The following COG2 variants were observed in gnomAD, a reference collection of about 807,000 sequenced individuals.
COG2 encodes the protein component of oligomeric golgi complex 2.
In COG2, 52 loss-of-function variants were observed where a neutral mutation model predicts 90.6. The observed-to-expected ratio is 0.57, with a 90% confidence interval of 0.46 to 0.72. The LOEUF (loss-of-function observed/expected upper bound fraction) is 0.72, where lower values mean the gene tolerates loss of function less well. Ranked by LOEUF, COG2 falls within the 30% of genes least tolerant of loss-of-function variation. COG2 has a pLI of 0.00. For synonymous variants in COG2, 337 were observed against 320.4 expected (o/e 1.05, Z -0.55); for missense variants, 829 against 891.2 (o/e 0.93, Z 0.89).
At chr1:230,665,675 C>T (rs965683114) in intron 5 of COG2, among the ~76,000 whole-genome samples, 1 of 152,150 alleles carries the variant, frequency 6.6e-6, no homozygotes, top group African/African-American at 2.4e-5. Context: ...AGTGGTCAAT[C>T]GCTGCCATCT....
At chr1:230,660,690 A>C (rs922690609) in intron 2 of COG2, 68 bp from the exon 3 acceptor site, 9 of 1,084,094 alleles carry the variant, frequency 8.3e-6, no homozygotes, top group Non-Finnish European at 1.2e-5. Context: ...TACATTGATC[A>C]TTAAATGGAT....
intron 3 of COG2, chr1:230,661,379 C>T (rs1020951830): frequency 1.3e-5 from 2 of 152,182 alleles, no homozygotes; most frequent in Non-Finnish European, 2.9e-5. Context: ...GAGACAGGGA[C>T]TCCATCCGGA....
At chr1:230,690,319 A>C in intron 16 of COG2, 166 bp downstream of exon 16, 1 of 590,824 alleles carries the variant, frequency 1.7e-6, no homozygotes, top group Non-Finnish European at 2.8e-6. Context: ...CTCCCTCCCC[A>C]CACCCTTGTG....
rs559247250 is a variant in COG2 at position 230,659,729 on chromosome 1, T to G, written c.234+104T>G. On this transcript the variant is annotated intron_variant, in intron 2 of 17. Coordinates refer to ENST00000366669, the MANE Select transcript of COG2 (RefSeq NM_007357.3). The stretch of plus-strand genomic sequence containing the variant: ...GTTTTTAGAAACCTTTTAGTTGATG[T>G]CCTCACAGAAATTTGAAGAGATCCC... 8.6e-6 allele frequency: 10 copies of G among 1,165,602 alleles called. No individual in the cohort carries two copies. In the African/African-American group the frequency reaches 1.6e-4, roughly 18 times the overall value. 72.2% of individuals were successfully genotyped at this position (1,165,602 alleles called of 1,614,324 possible).
intron 10 of COG2, chr1:230,679,989 T>C (rs1408335129): frequency 6.6e-6 from 1 of 152,218 alleles, no homozygotes; most frequent in Non-Finnish European, 1.5e-5. Flanking sequence ...ATCACAGTTC[T>C]CAGAATGAAG....
rs1235791978 is a variant in COG2 at position 230,642,512 on chromosome 1, G to A, written c.-95G>A. 7.8e-7 allele frequency: 1 copy of A among 1,276,242 alleles called. No homozygotes were observed. The highest frequency in any genetic ancestry group is 1.3e-5 in the South Asian group (1 of 74,756). The allele number at this position is 1,276,242 out of a possible 1,614,324, so 79.1% of individuals were successfully genotyped here. On this transcript the variant is annotated 5_prime_UTR_variant, in exon 1 of 18. It introduces an in-frame stop codon into an upstream open reading frame of the 5' UTR. Coordinates refer to ENST00000366669, the MANE Select transcript of COG2 (RefSeq NM_007357.3). Reference sequence around the variant, plus strand: ...GCGGAAGCGGACCCCCCTGTGCCGTGGAAACTGGCGGTGGCCGCGGCCGCC... The same window carrying A: ...GCGGAAGCGGACCCCCCTGTGCCGTAGAAACTGGCGGTGGCCGCGGCCGCC...
At chr1:230,648,920 C>T (rs1448410936) in intron 1 of COG2, among the ~76,000 whole-genome samples, 1 of 152,094 alleles carries the variant, frequency 6.6e-6, no homozygotes, top group Non-Finnish European at 1.5e-5. Context: ...TAGAAGACCA[C>T]ATAGATTGTC....
intron 1 of COG2, chr1:230,642,893 T>C (rs766864426): frequency 1.8e-6 from 1 of 548,460 alleles, no homozygotes; most frequent in Non-Finnish European, 3.2e-6. Flanking sequence ...GCGTGTTACA[T>C]GGAAAGGCCT....
chr1:230,644,286 CA>C (rs1420609575), intron 1 of COG2, among the ~76,000 whole-genome samples: 33 of 152,294 alleles, frequency 2.2e-4, no homozygotes, highest in African/African-American at 7.2e-4. Context: ...ATACATAGAA[CA>C]GCTGTTCTGT....
In COG2 at chr1:230,642,603, C is replaced by A; in HGVS notation, c.-4C>A. On this transcript the variant is annotated 5_prime_UTR_variant, in exon 1 of 18. Transcript: ENST00000366669. ...CTTGGCACTGAGAGGCGGTGGCCGG[C>A]GGGATGGAGAAAAGTAGGATGAACC... 1 of 1,610,930 alleles carries A rather than the reference C, an allele frequency of 6.2e-7. No individual in the cohort carries two copies. The highest frequency in any genetic ancestry group is 2.2e-5 in the East Asian group (1 of 44,772).
At chr1:230,649,067 G>A (rs549117283) in intron 1 of COG2, among the ~76,000 whole-genome samples, 1 of 152,248 alleles carries the variant, frequency 6.6e-6, no homozygotes, top group South Asian at 2.1e-4. Context: ...CACAGATACG[G>A]TATTGAACAG....
chr1:230,652,927 G>C (rs1388159348), intron 1 of COG2, among the ~76,000 whole-genome samples: 1 of 152,128 alleles, frequency 6.6e-6, no homozygotes, highest in Non-Finnish European at 1.5e-5. Context: ...ATTTGGTAAT[G>C]TGTATACATT....
chr1:230,642,830 T>C (rs1661659056), intron 1 of COG2, 152 bp downstream of exon 1: 1 of 696,342 alleles, frequency 1.4e-6, no homozygotes, highest in East Asian at 3.0e-5. Flanking sequence ...AATGAGTCTT[T>C]TGGCGTCAGG....
At chr1:230,671,673 T>C (rs746926710) in intron 8 of COG2, 33 bp downstream of exon 8, 11 of 1,605,768 alleles carry the variant, frequency 6.9e-6, no homozygotes, top group Non-Finnish European at 8.5e-6. Context: ...GACCCCCACC[T>C]CCCTTTCAGT....
At chr1:230,677,178 A>G (rs1373190329) in intron 9 of COG2, among the ~76,000 whole-genome samples, 1 of 152,028 alleles carries the variant, frequency 6.6e-6, no homozygotes, top group Non-Finnish European at 1.5e-5. Flanking sequence ...CGATAATTTC[A>G]CAGTCTGTCT....
At chr1:230,649,882 C>G (rs1030382697) in intron 1 of COG2, among the ~76,000 whole-genome samples, 2 of 152,296 alleles carry the variant, frequency 1.3e-5, no homozygotes, top group South Asian at 4.1e-4. Flanking sequence ...TCCAGCACTT[C>G]CCCTTTCAAG....
At chr1:230,678,769 A>G (rs1662659923) in intron 9 of COG2, 144 bp from the exon 10 acceptor site, 2 of 1,541,466 alleles carry the variant, frequency 1.3e-6, no homozygotes, top group South Asian at 2.3e-5. Context: ...ACATTGGAAG[A>G]AAGATCTTGT....
intron 1 of COG2, among the ~76,000 whole-genome samples, chr1:230,654,254 C>A (rs764698852): frequency 6.6e-6 from 1 of 152,126 alleles, no homozygotes; most frequent in Non-Finnish European, 1.5e-5. Context: ...TTAGGTCTTA[C>A]GTTTAAGTCT....
rs1662275263 is a variant in COG2 at position 230,664,689 on chromosome 1, C to CT, written c.485+103dup. On this transcript the variant is annotated intron_variant, in intron 5 of 17. Coordinates refer to ENST00000366669, the MANE Select transcript of COG2 (RefSeq NM_007357.3). ...TTCTGATAAAGAAGAAAATCCCAGT[C>CT]TATGGCTTAGTGTTTTTAAATGTAG... 3 of 569,224 alleles carry CT rather than the reference C, an allele frequency of 5.3e-6. 1 individual carries two copies. The highest frequency in any genetic ancestry group is 9.1e-6 in the Non-Finnish European group (3 of 331,238). The allele number at this position is 569,224 out of a possible 1,614,324, so 35.3% of individuals were successfully genotyped here. A position where few individuals can be genotyped will look rare whatever the true frequency, so the allele number is the denominator to read the frequency against.
Sources: gnomAD v4.1 joint callset for allele counts (sites outside exome capture counted in the v4.1 genomes callset) on GRCh38, gnomAD v4.1.1 for gene constraint, MANE v1.5 for transcripts, NCBI Gene and HGNC (gene_info 2026-07-23, HGNC 2026-07-21) for gene names.